PRSS23: variants seen among roughly 807,000 people sequenced by gnomAD.
PRSS23 encodes the protein serine protease 23.
Under a neutral mutation model 34.7 loss-of-function variants are expected in PRSS23, and 25 were observed. The ratio of observed to expected loss-of-function variants is 0.72; its 90% CI spans 0.53 to 1.01. The LOEUF is 1.01. Ranked by LOEUF, PRSS23 falls within the 50% of genes least tolerant of loss-of-function variation. PRSS23 has a pLI of 0.00. For synonymous variants in PRSS23, 176 were observed against 186.6 expected (o/e 0.94, Z 0.46); for missense variants, 445 against 475.6 (o/e 0.94, Z 0.60).
intron 2 of PRSS23, among the ~76,000 whole-genome samples, chr11:86,837,927 C>T (rs1029868257): frequency 6.6e-6 from 1 of 152,014 alleles, no homozygotes; most frequent in South Asian, 2.1e-4. Context: ...CTCATTGGGA[C>T]TGCTTGGACA....
intron 2 of PRSS23, among the ~76,000 whole-genome samples, chr11:86,906,003 CTCATTCAT>C: frequency 6.7e-6 from 1 of 150,206 alleles, no homozygotes; most frequent in African/African-American, 2.5e-5. Flanking sequence ...CACTCATTCA[CTCATTCAT>C]TCATTCATTC....
exon 3 of PRSS23, chr11:86,952,140 A>G: frequency 6.2e-7 from 1 of 1,613,210 alleles, no homozygotes; most frequent in Non-Finnish European, 8.5e-7. Context: ...CCAGCATCAT[A>G]GCCACACTTG....
intron 1 of PRSS23, among the ~76,000 whole-genome samples, chr11:86,806,360 C>A (rs1049631471): frequency 1.2e-4 from 18 of 152,176 alleles, no homozygotes; most frequent in African/African-American, 3.6e-4. Context: ...CCATCTGAAA[C>A]ATCAGGTGAT....
At chr11:86,886,081 A>G (rs778362214) in intron 2 of PRSS23, among the ~76,000 whole-genome samples, 2 of 152,210 alleles carry the variant, frequency 1.3e-5, no homozygotes, top group African/African-American at 4.8e-5. Context: ...TTTGTGCAAC[A>G]GACCAGCCAT....
intron 2 of PRSS23, among the ~76,000 whole-genome samples, chr11:86,905,513 C>A (rs1948936314): frequency 6.6e-6 from 1 of 152,206 alleles, no homozygotes; most frequent in Non-Finnish European, 1.5e-5. Context: ...AAAAACCTCA[C>A]TCCTTTCAGA....
intron 1 of PRSS23, among the ~76,000 whole-genome samples, chr11:86,794,907 A>G (rs2135588979): frequency 6.6e-6 from 1 of 152,332 alleles, no homozygotes; most frequent in East Asian, 1.9e-4. Flanking sequence ...TCATGGTTCA[A>G]TAGGTAATTG....
chr11:86,943,627 AAAAT>A (rs1303525515), intron 2 of PRSS23, among the ~76,000 whole-genome samples: 2 of 151,710 alleles, frequency 1.3e-5, no homozygotes, highest in African/African-American at 4.8e-5. Context: ...CCATCTCAAA[AAAAT>A]AAAATAAAAT....
intron 2 of PRSS23, among the ~76,000 whole-genome samples, chr11:86,878,140 T>A (rs2134956103): frequency 6.6e-6 from 1 of 152,358 alleles, no homozygotes; most frequent in South Asian, 2.1e-4. Flanking sequence ...AATTGTTTTT[T>A]AAGTTTCATT....
At chr11:86,941,191 G>A (rs1212276040) in intron 2 of PRSS23, among the ~76,000 whole-genome samples, 1 of 152,082 alleles carries the variant, frequency 6.6e-6, no homozygotes, top group African/African-American at 2.4e-5. Flanking sequence ...TCCTTTGAGG[G>A]GTCAAATGGT....
At chr11:86,911,302 A>G (rs1209051119) in intron 2 of PRSS23, 4 of 152,136 alleles carry the variant, frequency 2.6e-5, no homozygotes, top group Non-Finnish European at 5.9e-5. Flanking sequence ...TTATATAGAA[A>G]TATTTTAATT....
chr11:86,924,608 G>T (rs1590929959), intron 2 of PRSS23, among the ~76,000 whole-genome samples: 1 of 152,188 alleles, frequency 6.6e-6, no homozygotes, highest in African/African-American at 2.4e-5. Flanking sequence ...GCAATTCAGT[G>T]ACTCTCAGTT....
intron 2 of PRSS23, among the ~76,000 whole-genome samples, chr11:86,841,362 A>G (rs28754899): frequency 2.7e-4 from 39 of 144,474 alleles, no homozygotes; most frequent in Middle Eastern, 3.6e-3. Flanking sequence ...AGAAGAAGAA[A>G]AAAAAAAAAG....
intron 2 of PRSS23, among the ~76,000 whole-genome samples, chr11:86,879,999 AGAAAGGGGAGAAAGGCGGG>A (rs1293537827): frequency 6.6e-6 from 1 of 152,082 alleles, no homozygotes; most frequent in Non-Finnish European, 1.5e-5. Flanking sequence ...TTTGTGGAAT[AGAAAGGGGAGAAAGGCGGG>A]GAAAGGATTG....
At position 86,809,663 on chromosome 11, in the gene PRSS23, T is replaced by C. The variant is rs1458487482; in HGVS notation, c.*868T>C. 1 of 167,026 alleles carries C rather than the reference T, an allele frequency of 6.0e-6. No individual in the cohort carries two copies. Among genetic ancestry groups the C allele is most frequent in the African/African-American group, 2.4e-5 (1 of 41,456 alleles). 10.3% of individuals were successfully genotyped at this position (167,026 alleles called of 1,614,324 possible). On this transcript the variant is annotated 3_prime_UTR_variant, in exon 2 of 2. Coordinates refer to ENST00000280258, the MANE Select transcript of PRSS23 (RefSeq NM_007173.6). ...GGCTGTATTTCCTCCCAGCAAACAG[T>C]TGTGGCCACACTAAAAACAATCATA...
chr11:86,875,379 T>A (rs962190269), intron 2 of PRSS23, among the ~76,000 whole-genome samples: 4 of 152,006 alleles, frequency 2.6e-5, no homozygotes, highest in African/African-American at 4.8e-5. Context: ...CTCAAAAATA[T>A]ATATATAAAA....
At chr11:86,908,566 A>G (rs1725377192) in intron 2 of PRSS23, among the ~76,000 whole-genome samples, 1 of 152,164 alleles carries the variant, frequency 6.6e-6, no homozygotes, top group South Asian at 2.1e-4. Context: ...GTGTGAGGGA[A>G]GCAATTGGAT....
chr11:86,792,277 C>T (rs1420306520), intron 1 of PRSS23, among the ~76,000 whole-genome samples: 1 of 152,184 alleles, frequency 6.6e-6, no homozygotes, highest in Non-Finnish European at 1.5e-5. Context: ...TTTCTTGCAG[C>T]AGCTGCAACT....
At chr11:86,891,933 C>G (rs1006092419) in intron 2 of PRSS23, among the ~76,000 whole-genome samples, 4 of 152,182 alleles carry the variant, frequency 2.6e-5, no homozygotes, top group Non-Finnish European at 5.9e-5. Flanking sequence ...GCCTCCCCAG[C>G]CATGCCAAAC....
At chr11:86,950,745 G>A (rs573227026) in intron 2 of PRSS23, 118 of 275,798 alleles carry the variant, frequency 4.3e-4, no homozygotes, top group Admixed American at 3.3e-3. Flanking sequence ...AAATGGTAAA[G>A]GGTTAAAAAA....
Sources: gnomAD v4.1 joint callset for allele counts (sites outside exome capture counted in the v4.1 genomes callset) on GRCh38, gnomAD v4.1.1 for gene constraint, MANE v1.5 for transcripts, NCBI Gene and HGNC (gene_info 2026-07-23, HGNC 2026-07-21) for gene names.